Variants in ANKFN1 observed in about 807,000 individuals in gnomAD.
ANKFN1 encodes the protein ankyrin repeat and fibronectin type III domain containing 1.
ANKFN1 carries 74 observed loss-of-function variants against 108.7 expected under a neutral mutation model. The ratio of observed to expected loss-of-function variants is 0.68; its 90% confidence interval spans 0.56 to 0.83. The LOEUF is 0.83. ANKFN1 is among the 40% of genes least tolerant of loss of function. The pLI, the probability that ANKFN1 is intolerant of heterozygous loss-of-function variation, is 0.00. For missense variants in ANKFN1, 1,505 were observed against 1,382.3 expected, an observed-to-expected ratio of 1.09 and a Z score of -1.41; for synonymous variants, 547 against 516.2, an observed-to-expected ratio of 1.06 and a Z score of -0.81.
chr17:56,431,545 C>T (rs980081), intron 8 of ANKFN1, among the ~76,000 whole-genome samples: 81,064 of 152,024 alleles, frequency 0.53, 26,309 homozygotes, highest in East Asian at 0.86. Flanking sequence ...AAGTCAAACC[C>T]ACTCAATCTG....
chr17:56,399,843 T>TTTTA (rs1371574477), intron 8 of ANKFN1, among the ~76,000 whole-genome samples: 7 of 64,758 alleles, frequency 1.1e-4, no homozygotes, highest in Non-Finnish European at 3.0e-4. Flanking sequence ...ATTCCATTTT[T>TTTTA]TATATATATA....
chr17:56,277,103 C>T (rs531328545), intron 3 of ANKFN1, among the ~76,000 whole-genome samples: 203 of 152,288 alleles, frequency 1.3e-3, no homozygotes, highest in African/African-American at 4.6e-3. Flanking sequence ...GCCATTCATG[C>T]CAAGCTCCCA....
chr17:56,170,044 C>T lies in ANKFN1; in HGVS notation c.-71+16514C>T, dbSNP rs185614047. Among the ~76,000 whole-genome samples the T allele has an allele frequency of 2.7e-3, 414 of 152,274 alleles. 2 individuals carry two copies. The highest frequency in any genetic ancestry group is 9.4e-3 in the African/African-American group (392 of 41,546). On this transcript the variant is annotated intron_variant, in intron 1 of 20. Coordinates refer to ENST00000682825, the MANE Select transcript of ANKFN1 (RefSeq NM_001370326.1). ...GCTCTGCTGAAGAAAAAAGACCTTG[C>T]AAGCCCCCATCCCAGGTCCTGAAAG...
chr17:56,390,000 C>T (rs919552366), intron 8 of ANKFN1, among the ~76,000 whole-genome samples: 6 of 151,984 alleles, frequency 3.9e-5, no homozygotes, highest in Non-Finnish European at 7.4e-5. Context: ...AAAGACATTT[C>T]TTCAGAGAAG....
intron 4 of ANKFN1, among the ~76,000 whole-genome samples, chr17:56,052,309 G>T (rs1411653111): frequency 3.3e-5 from 5 of 152,148 alleles, no homozygotes; most frequent in Admixed American, 2.6e-4. Flanking sequence ...TACAAAACTG[G>T]GGAGCTACTG....
intron 18 of ANKFN1, among the ~76,000 whole-genome samples, chr17:56,487,433 G>A (rs780359542): frequency 3.3e-5 from 5 of 152,028 alleles, no homozygotes; most frequent in Admixed American, 1.3e-4. Context: ...GACCTTGTGG[G>A]TGCTCACAAC....
At chr17:56,170,807 T>TATATATATATATACACAC (rs1361307404) in intron 1 of ANKFN1, among the ~76,000 whole-genome samples, 19 of 61,454 alleles carry the variant, frequency 3.1e-4, no homozygotes, top group South Asian at 9.2e-4. Flanking sequence ...TATATATATA[T>TATATATATATATACACAC]ACACACACAC....
At chr17:56,129,293 T>A (rs1484735397) in intron 4 of ANKFN1, among the ~76,000 whole-genome samples, 1 of 152,192 alleles carries the variant, frequency 6.6e-6, no homozygotes, top group Non-Finnish European at 1.5e-5. Flanking sequence ...AGTCCACTCT[T>A]CAGCCCCAAT....
intron 1 of ANKFN1, among the ~76,000 whole-genome samples, chr17:56,201,025 T>C (rs1460576772): frequency 6.6e-6 from 1 of 152,224 alleles, no homozygotes; most frequent in Admixed American, 6.5e-5. Flanking sequence ...CATCTTCTAA[T>C]GGTGGAGCCC....
intron 1 of ANKFN1, among the ~76,000 whole-genome samples, chr17:56,166,445 CTT>C (rs1910134557): frequency 6.6e-6 from 1 of 152,170 alleles, no homozygotes; most frequent in African/African-American, 2.4e-5. Context: ...GACCAGTTAA[CTT>C]TTGAAATCAA....
intron 19 of ANKFN1, among the ~76,000 whole-genome samples, chr17:56,496,553 TC>T (rs1247213446): frequency 6.6e-6 from 1 of 152,106 alleles, no homozygotes; most frequent in Non-Finnish European, 1.5e-5. Flanking sequence ...TTCCTTGACT[TC>T]TGGCCACATC....
At chr17:56,184,044 G>C (rs756606061) in intron 1 of ANKFN1, among the ~76,000 whole-genome samples, 1 of 152,184 alleles carries the variant, frequency 6.6e-6, no homozygotes, top group Non-Finnish European at 1.5e-5. Context: ...CGTTGTTGAA[G>C]TGACAATAAA....
At chr17:56,324,013 A>G (rs2045447248) in intron 3 of ANKFN1, among the ~76,000 whole-genome samples, 2 of 152,220 alleles carry the variant, frequency 1.3e-5, no homozygotes, top group African/African-American at 4.8e-5. Flanking sequence ...CCAAGATTCC[A>G]AGGCTGTACG....
Position 56,372,755 on chromosome 17 carries a change from C to A in ANKFN1, c.711C>A (p.Asp237Glu), listed in dbSNP as rs1376082525. ...AQVENEGFTL[D>E]NTEKEKQLKA... ...TGGAGAATGAAGGATTCACTCTGGA[C>A]AACACAGAGAAAGAGAAGCAGCTGA... The change falls in exon 7 of 21, where the codon GAC (aspartate) becomes GAA (glutamate). Residue 237 changes from aspartate (D) to glutamate (E), a missense_variant. Physicochemically the swap from Asp to Glu is conservative, Grantham distance 45. Coordinates refer to ENST00000682825, the MANE Select transcript of ANKFN1 (RefSeq NM_001370326.1). 4 of 1,613,938 alleles carry A rather than the reference C, an allele frequency of 2.5e-6. No individual in the cohort carries two copies. The highest frequency in any genetic ancestry group is 3.4e-6 in the Non-Finnish European group (4 of 1,179,948).
chr17:56,507,415 ATGCC>A (rs2051604560), intron 20 of ANKFN1, among the ~76,000 whole-genome samples: 1 of 152,032 alleles, frequency 6.6e-6, no homozygotes, highest in African/African-American at 2.4e-5. Flanking sequence ...CTAAGCACCA[ATGCC>A]AGCACTGGTG....
intron 4 of ANKFN1, among the ~76,000 whole-genome samples, chr17:56,347,491 C>T (rs2046135844): frequency 6.6e-6 from 1 of 151,954 alleles, no homozygotes; most frequent in Non-Finnish European, 1.5e-5. Context: ...TATCAAGATT[C>T]CAATTGGGTC....
chr17:56,273,238 G>A (rs1293872034), intron 3 of ANKFN1, among the ~76,000 whole-genome samples: 1 of 151,916 alleles, frequency 6.6e-6, no homozygotes, highest in African/African-American at 2.4e-5. Context: ...ACAGTATAGT[G>A]TGTTCATTTT....
intron 4 of ANKFN1, among the ~76,000 whole-genome samples, chr17:56,091,086 T>G (rs1370225492): frequency 6.6e-6 from 1 of 151,090 alleles, no homozygotes; most frequent in African/African-American, 2.4e-5. Context: ...CAGAAGCTGG[T>G]CCAAAGCATA....
intron 4 of ANKFN1, among the ~76,000 whole-genome samples, chr17:56,349,682 C>G (rs552150257): frequency 7.8e-4 from 118 of 152,198 alleles, no homozygotes; most frequent in African/African-American, 2.8e-3. Context: ...TGATGGGAAT[C>G]CCAACTACAC....
Sources: allele counts gnomAD v4.1 joint callset (sites outside exome capture counted in the v4.1 genomes callset), GRCh38; gene constraint gnomAD v4.1.1; transcripts MANE v1.5; gene names NCBI Gene and HGNC (gene_info 2026-07-23, HGNC 2026-07-21).